SPON1: variants seen among roughly 807,000 people sequenced by gnomAD.
The protein encoded by SPON1 is spondin 1, also known as spondin-1.
A neutral mutation model predicts 111.7 loss-of-function variants in SPON1; 52 were observed. The observed-to-expected ratio is 0.47, with a 90% confidence interval of 0.37 to 0.59. The LOEUF (loss-of-function observed/expected upper bound fraction) is 0.59, where lower values mean the gene tolerates loss of function less well. Among genes scored for constraint, SPON1 ranks in the 20% least tolerant of loss-of-function variants. The pLI is 0.00. For missense variants in SPON1, 957 were observed against 1,068.5 expected (o/e 0.90, Z 1.46); for synonymous variants, 410 against 395.8 (o/e 1.04, Z -0.43).
chr11:13,979,300 G>C (rs1273682792), intron 1 of SPON1, among the ~76,000 whole-genome samples: 1 of 152,154 alleles, frequency 6.6e-6, no homozygotes, highest in Non-Finnish European at 1.5e-5. Flanking sequence ...AGGGACATAA[G>C]TTGTATGGGA....
chr11:14,255,674 G>A lies in SPON1; in HGVS notation c.1120G>A (p.Glu374Lys). The change falls in exon 9 of 16, where the codon GAG (glutamate) becomes AAG (lysine). Residue 374 changes from glutamate to lysine, a missense_variant. Physicochemically the swap from Glu to Lys is moderately conservative, Grantham distance 56 (BLOSUM62 1). Around this residue, in one of 5 missense-constraint regions of SPON1, gnomAD observed 549 missense variants for 606.2 expected, o/e 0.91. Coordinates refer to ENST00000576479, the MANE Select transcript of SPON1 (RefSeq NM_006108.4). ...ESPNKPTIPQ[E>K]KIRPLTSLDH... is the part of the protein sequence containing the mutation. ...ACCCAACAAACCCACCATTCCCCAG[G>A]AGAAAATCCGGCCCCTGACCAGCCT... The A allele has an allele frequency of 6.2e-7, 1 of 1,613,838 alleles. No homozygotes were observed. The highest frequency in any genetic ancestry group is 8.5e-7 in the Non-Finnish European group (1 of 1,179,858).
chr11:13,968,388 C>T (rs1260519931), intron 1 of SPON1, among the ~76,000 whole-genome samples: 2 of 152,056 alleles, frequency 1.3e-5, no homozygotes, highest in Non-Finnish European at 2.9e-5. Context: ...GCTACTTAGC[C>T]GTGTGTAGCT....
At chr11:14,117,698 ATATAGACT>A (rs1269093184) in intron 5 of SPON1, among the ~76,000 whole-genome samples, 1 of 152,144 alleles carries the variant, frequency 6.6e-6, no homozygotes, top group Non-Finnish European at 1.5e-5. Flanking sequence ...TTTGTCCTAT[ATATAGACT>A]TAGTTAAATA....
intron 2 of SPON1, among the ~76,000 whole-genome samples, chr11:13,988,217 C>G (rs1368443295): frequency 6.6e-6 from 1 of 152,160 alleles, no homozygotes; most frequent in Non-Finnish European, 1.5e-5. Flanking sequence ...TTTGTGTCCT[C>G]TCTTTTGTCC....
chr11:14,105,315 G>A (rs1161707660), intron 5 of SPON1, among the ~76,000 whole-genome samples: 3 of 151,852 alleles, frequency 2.0e-5, no homozygotes, highest in Non-Finnish European at 4.4e-5. Context: ...ATCTTCTTTT[G>A]CATATTTTTA....
intron 2 of SPON1, among the ~76,000 whole-genome samples, chr11:14,005,397 T>A (rs1380455993): frequency 1.3e-5 from 2 of 152,220 alleles, no homozygotes; most frequent in African/African-American, 4.8e-5. Flanking sequence ...CTCTCCAAAC[T>A]CTGTCCTGTA....
intron 6 of SPON1, among the ~76,000 whole-genome samples, chr11:14,197,067 A>G (rs1396084442): frequency 6.6e-6 from 1 of 152,088 alleles, no homozygotes; most frequent in Non-Finnish European, 1.5e-5. Flanking sequence ...ACTAAATAAA[A>G]TCTGAGCTTC....
intron 5 of SPON1, among the ~76,000 whole-genome samples, chr11:14,080,321 C>A (rs1028637311): frequency 6.6e-6 from 1 of 151,934 alleles, no homozygotes; most frequent in Admixed American, 6.6e-5. Context: ...CTCCGCCTCC[C>A]GGGTTCAAGC....
chr11:14,153,766 G>C (rs1847812122), intron 6 of SPON1, among the ~76,000 whole-genome samples: 1 of 152,164 alleles, frequency 6.6e-6, no homozygotes, highest in South Asian at 2.1e-4. Flanking sequence ...TCTGAGACAA[G>C]GCAAGTCCAT....
At chr11:14,222,482 A>G (rs1417010752) in intron 6 of SPON1, among the ~76,000 whole-genome samples, 1 of 152,244 alleles carries the variant, frequency 6.6e-6, no homozygotes, top group Non-Finnish European at 1.5e-5. Context: ...ATCCCAATTC[A>G]GTAGCGCTGA....
chr11:14,259,584 G>A lies in SPON1; in HGVS notation c.1714G>A (p.Ala572Thr), dbSNP rs782545916. ...GTGGGGCGAGTGGGACGAGTGCAGC[G>A]CCACCTGCGGCATGGGCATGAAGAA... The part of the protein sequence containing the change: ...TEWGEWDECS[A>T]TCGMGMKKRH... Residue 572 changes from alanine to threonine, a missense_variant, in exon 13 of 16, where the codon GCC (alanine) becomes ACC (threonine). Transcript: ENST00000576479. The surrounding 1 kb of genome is among the most constrained non-coding windows in gnomAD (Gnocchi z 5.0). The A allele has an allele frequency of 5.0e-5, 77 of 1,553,162 alleles. No homozygotes were observed. Among genetic ancestry groups the A allele is most frequent in the Non-Finnish European group, 6.0e-5 (69 of 1,148,594 alleles).
chr11:14,090,824 G>GCCACCCAC (rs1849046497), intron 5 of SPON1, among the ~76,000 whole-genome samples: 1 of 45,580 alleles, frequency 2.2e-5, no homozygotes, highest in Admixed American at 2.7e-4. Context: ...CTCTTATCTG[G>GCCACCCAC]CCCCCCCCCC....
rs547839928 is a variant in SPON1, at chr11:14,265,715, C to T, written c.*28C>T. 436 of 1,605,644 alleles carry T rather than the reference C, an allele frequency of 2.7e-4. 4 individuals carry two copies. In the South Asian group the frequency reaches 3.7e-3, roughly 14 times the overall value. On this transcript the variant is annotated 3_prime_UTR_variant, in exon 16 of 16. Coordinates refer to ENST00000576479, the MANE Select transcript of SPON1 (RefSeq NM_006108.4). Reference sequence around the variant, plus strand: ...AGGGTACGAGTTCCCCAGGGCTGCACTCTAGATTCCAGAGTCACCAATGGC... The same window carrying T: ...AGGGTACGAGTTCCCCAGGGCTGCATTCTAGATTCCAGAGTCACCAATGGC...
intron 6 of SPON1, among the ~76,000 whole-genome samples, chr11:14,183,462 G>A (rs1198170820): frequency 6.6e-6 from 1 of 152,172 alleles, no homozygotes; most frequent in African/African-American, 2.4e-5. Context: ...TGGTTAATAT[G>A]CCACCATTGT....
At chr11:14,234,726 TG>T (rs1396831443) in intron 6 of SPON1, among the ~76,000 whole-genome samples, 3 of 152,220 alleles carry the variant, frequency 2.0e-5, no homozygotes, top group African/African-American at 7.2e-5. Context: ...AATGCCAAGC[TG>T]CTTCCACAAA....
intron 6 of SPON1, among the ~76,000 whole-genome samples, chr11:14,168,244 T>C (rs964964990): frequency 6.6e-6 from 1 of 152,212 alleles, no homozygotes; most frequent in African/African-American, 2.4e-5. Context: ...GCAAATCTGA[T>C]ATCTGACCTT....
Position 14,161,005 on chromosome 11 carries a change from A to T in SPON1, c.825+25437A>T, listed in dbSNP as rs1464498524. On this transcript the variant is annotated intron_variant, in intron 6 of 15. Coordinates refer to ENST00000576479, the MANE Select transcript of SPON1 (RefSeq NM_006108.4). ...TATTTATATATATTTTTATATATTT[A>T]TATATTTATATATCTATATATATTT... Among the ~76,000 whole-genome samples the T allele has an allele frequency of 5.7e-5, 5 of 87,374 alleles. No individual in the cohort carries two copies. In the East Asian group the frequency reaches 1.5e-3, roughly 27 times the overall value. The allele number at this position is 87,374 out of a possible 152,430, so 57.3% of individuals were successfully genotyped here. A position where few individuals can be genotyped will look rare whatever the true frequency, so the allele number is the denominator to read the frequency against.
chr11:14,193,673 G>A lies in SPON1; in HGVS notation c.826-49659G>A, dbSNP rs539293839. Among the ~76,000 whole-genome samples the A allele has an allele frequency of 2.0e-5, 3 of 152,268 alleles. No homozygotes were observed. In the South Asian group the frequency reaches 6.2e-4, roughly 32 times the overall value. On this transcript the variant is annotated intron_variant, in intron 6 of 15. Transcript: ENST00000576479. ...TCCCTCTCTGGCCCTCCTCAGACAA[G>A]CAGAGCTGAGACTCTGCCTTCAAAG...
At chr11:14,111,262 A>G (rs966728273) in intron 5 of SPON1, among the ~76,000 whole-genome samples, 3 of 152,190 alleles carry the variant, frequency 2.0e-5, no homozygotes, top group African/African-American at 4.8e-5. Flanking sequence ...TATATGATGA[A>G]CACATCCTTT....
Sources: gnomAD v4.1 joint callset for allele counts (sites outside exome capture counted in the v4.1 genomes callset) on GRCh38, gnomAD v4.1.1 for gene constraint, gnomAD v4.1.1 regional missense constraint, Gnocchi (gnomAD v3.1) non-coding constraint, MANE v1.5 for transcripts, NCBI Gene and HGNC (gene_info 2026-07-23, HGNC 2026-07-21) for gene names.